The following VPS16 variants were observed in gnomAD, a reference collection of about 807,000 sequenced individuals.
The protein encoded by VPS16 is vacuolar protein sorting-associated protein 16 homolog.
VPS16 carries 82 observed loss-of-function variants against 116.0 expected under a neutral mutation model. The observed-to-expected ratio is 0.71, with a 90% CI of 0.59 to 0.85. The LOEUF is 0.85. Ranked by LOEUF, VPS16 falls within the 40% of genes least tolerant of loss-of-function variation. The pLI, the probability that VPS16 is intolerant of heterozygous loss-of-function variation, is 0.00. For missense variants in VPS16, 928 were observed against 1,090.6 expected (o/e 0.85, Z 2.10); for synonymous variants, 406 against 420.7 (o/e 0.96, Z 0.43).
At position 2,863,435 on chromosome 20, in the gene VPS16, GA is replaced by G; in HGVS notation, c.1476+38del. ...GGATGGGGTCCAAGGGCATTTAGAG[GA>G]TTCCAGGCCCTGGTGAGGTGGAGGA... On this transcript the variant is annotated intron_variant, in intron 15 of 23. Transcript: ENST00000380445. The surrounding 1 kb of genome is among the most constrained non-coding windows in gnomAD (Gnocchi z 4.4). 1 of 1,598,738 alleles carries G rather than the reference GA, an allele frequency of 6.3e-7. No homozygotes were observed. The highest frequency in any genetic ancestry group is 8.6e-7 in the Non-Finnish European group (1 of 1,166,422).
Position 2,862,315 on chromosome 20 carries a change from C to T in VPS16, c.1071+185C>T, listed in dbSNP as rs184964097. On this transcript the variant is annotated intron_variant, in intron 11 of 23. Coordinates refer to ENST00000380445, the MANE Select transcript of VPS16 (RefSeq NM_022575.4). Reference sequence around the variant, plus strand: ...TGTCCTCCATGTGGTGTGATAGGGACGGGCAGAGCATCCCCACTATCCCCA... The same window carrying T: ...TGTCCTCCATGTGGTGTGATAGGGATGGGCAGAGCATCCCCACTATCCCCA... The T allele has an allele frequency of 1.7e-5, 16 of 955,656 alleles. No individual in the cohort carries two copies. The Admixed American group carries it at 1.7e-4, about 10-fold the overall frequency. The allele number at this position is 955,656 out of a possible 1,614,324, so 59.2% of individuals were successfully genotyped here. A position where few individuals can be genotyped will look rare whatever the true frequency, so the allele number is the denominator to read the frequency against.
chr20:2,849,322 C>T (rs960045583), intron 1 of VPS16, among the ~76,000 whole-genome samples: 2 of 113,686 alleles, frequency 1.8e-5, no homozygotes, highest in Non-Finnish European at 1.7e-5. Context: ...TTTTTTGAGG[C>T]GGAGTTTTGC....
At chr20:2,856,795 T>C (rs2089176005) in intron 1 of VPS16, among the ~76,000 whole-genome samples, 1 of 152,226 alleles carries the variant, frequency 6.6e-6, no homozygotes, top group Admixed American at 6.5e-5. Flanking sequence ...CTAGACGCCA[T>C]CCTCTTCCAT....
intron 1 of VPS16, among the ~76,000 whole-genome samples, chr20:2,856,571 C>T (rs541195453): frequency 6.6e-6 from 1 of 152,350 alleles, no homozygotes; most frequent in East Asian, 1.9e-4. Context: ...CCGCAGGTGT[C>T]TACCCCATCT....
Position 2,863,917 on chromosome 20 carries a change from CA to C in VPS16, c.1477-31del. 6.2e-7 allele frequency: 1 copy of C among 1,606,544 alleles called. No individual in the cohort carries two copies. The highest frequency in any genetic ancestry group is 1.3e-5 in the African/African-American group (1 of 74,928). ...GGAGTGGAGAGTGAGGAATGGCATCCAGATGTTTGTGACACCCCGCATCCCT... is the reference window on the plus strand; with the variant it reads ...GGAGTGGAGAGTGAGGAATGGCATCCGATGTTTGTGACACCCCGCATCCCT... On this transcript the variant is annotated intron_variant, in intron 15 of 23. Transcript: ENST00000380445. The surrounding 1 kb of genome is among the most constrained non-coding windows in gnomAD (Gnocchi z 4.4).
chr20:2,852,223 C>A (rs2089129293), intron 1 of VPS16, among the ~76,000 whole-genome samples: 2 of 152,106 alleles, frequency 1.3e-5, no homozygotes, highest in Admixed American at 6.6e-5. Context: ...ATTCTCACAC[C>A]CTGACTGCTG....
intron 1 of VPS16, among the ~76,000 whole-genome samples, chr20:2,855,548 T>G (rs760071930): frequency 1.3e-5 from 2 of 152,212 alleles, no homozygotes; most frequent in African/African-American, 2.4e-5. Flanking sequence ...AGGTGTTGAC[T>G]TCTTTCTAGC....
At chr20:2,851,363 C>A (rs2089119080) in intron 1 of VPS16, among the ~76,000 whole-genome samples, 1 of 152,138 alleles carries the variant, frequency 6.6e-6, no homozygotes, top group Admixed American at 6.5e-5. Context: ...AATCCTAACA[C>A]TTTGGGAGGC....
Position 2,864,404 on chromosome 20 carries a change from G to T in VPS16, c.1760G>T (p.Arg587Leu). ...CTGCACCTGAAGAACGAGCTGAACC[G>T]AGGAGATTTTTTCATGACCCTTCGG... ...VLLHLKNELN[R>L]GDFFMTLRNQ... Residue 587 changes from arginine (R) to leucine (L), a missense_variant, in exon 18 of 24, where the codon CGA becomes CTA. Transcript: ENST00000380445. This position sits in a 1 kb window ranked among gnomAD's most constrained non-coding sequence, Gnocchi z 5.2. 1 of 1,614,166 alleles carries T rather than the reference G, an allele frequency of 6.2e-7. No homozygotes were observed. Among genetic ancestry groups the T allele is most frequent in the Non-Finnish European group, 8.5e-7 (1 of 1,180,034 alleles).
Position 2,864,718 on chromosome 20 carries a change from C to T in VPS16, c.1926+64C>T. The T allele has an allele frequency of 6.5e-7, 1 of 1,548,184 alleles. No individual in the cohort carries two copies. Among genetic ancestry groups the T allele is most frequent in the East Asian group, 2.2e-5 (1 of 44,584 alleles). On this transcript the variant is annotated intron_variant, in intron 19 of 23. Transcript: ENST00000380445. The surrounding 1 kb of genome is among the most constrained non-coding windows in gnomAD (Gnocchi z 5.2). ...GTGGGCTGGGGCTGTTGGTCCGGTT[C>T]CTTCAGGAATCTAGGCCTTCGTGTT...
chr20:2,858,263 C>T (rs935178257), intron 1 of VPS16, among the ~76,000 whole-genome samples: 1 of 152,094 alleles, frequency 6.6e-6, no homozygotes, highest in African/African-American at 2.4e-5. Flanking sequence ...TGTGCCATCA[C>T]ATGCAGCTAA....
In VPS16 at chr20:2,860,364, C is replaced by T. The variant is rs761031227; in HGVS notation, c.366C>T (p.Gly122=). The T allele has an allele frequency of 2.2e-5, 35 of 1,614,066 alleles. No homozygotes were observed. The highest frequency in any genetic ancestry group is 3.0e-5 in the Non-Finnish European group (35 of 1,179,998). ...HGDFRRHFSM[G]NEVLQNRVLD... is the part of the protein sequence containing the mutation. Reference sequence around the variant, plus strand: ...ACTTCCGGAGACACTTCAGCATGGGCAATGTAGGGGTCACAGAGGGCTGGG... The same window carrying T: ...ACTTCCGGAGACACTTCAGCATGGGTAATGTAGGGGTCACAGAGGGCTGGG... Residue 122 remains glycine, a synonymous_variant, in exon 4 of 24, where the codon GGC becomes GGT. Transcript: ENST00000380445. This position sits in a 1 kb window ranked among gnomAD's most constrained non-coding sequence, Gnocchi z 6.1.
intron 11 of VPS16, 77 bp downstream of exon 11, chr20:2,862,207 G>C: frequency 6.6e-7 from 1 of 1,511,640 alleles, no homozygotes; most frequent in Non-Finnish European, 9.0e-7. Flanking sequence ...GCATAGCCAG[G>C]TGCCACCTGT....
In VPS16 at chr20:2,864,158, G is replaced by A; in HGVS notation, c.1612-21G>A. The A allele has an allele frequency of 1.2e-6, 2 of 1,614,172 alleles. No individual in the cohort carries two copies. The highest frequency in any genetic ancestry group is 1.7e-6 in the Non-Finnish European group (2 of 1,180,002). On this transcript the variant is annotated intron_variant, in intron 16 of 23. Coordinates refer to ENST00000380445, the MANE Select transcript of VPS16 (RefSeq NM_022575.4). The surrounding 1 kb of genome is among the most constrained non-coding windows in gnomAD (Gnocchi z 5.2). ...CCCCATGCCAGCTCCTTCTCTCTGT[G>A]CCTTCCTTCTCACCTCACAGCTGCT...
rs2089211582 is a variant in VPS16 at position 2,860,144 on chromosome 20, G to T, written c.233G>T (p.Ser78Ile). ...IYSASGMPLA[S>I]LLWKSGPVVS... ...TCTGCTTCCGGCATGCCTCTGGCCAGCCTGCTGGTGAGCACTTCTGATGGT... is the reference window on the plus strand; with the variant it reads ...TCTGCTTCCGGCATGCCTCTGGCCATCCTGCTGGTGAGCACTTCTGATGGT... The change falls in exon 3 of 24, where the codon AGC (serine) becomes ATC (isoleucine). Residue 78 changes from serine to isoleucine, a missense_variant. Coordinates refer to ENST00000380445, the MANE Select transcript of VPS16 (RefSeq NM_022575.4). The surrounding 1 kb of genome is among the most constrained non-coding windows in gnomAD (Gnocchi z 6.1). The T allele has an allele frequency of 1.2e-6, 2 of 1,614,090 alleles. No individual in the cohort carries two copies. Among genetic ancestry groups the T allele is most frequent in the Non-Finnish European group, 1.7e-6 (2 of 1,180,024 alleles).
chr20:2,848,977 G>A (rs1254025471), intron 1 of VPS16, among the ~76,000 whole-genome samples: 1 of 152,148 alleles, frequency 6.6e-6, no homozygotes, highest in Non-Finnish European at 1.5e-5. Flanking sequence ...AGCATTACGT[G>A]GATTGGGAGG....
In VPS16 at chr20:2,863,431, A is replaced by G. The variant is rs1480551445; in HGVS notation, c.1476+33A>G. 2.5e-6 allele frequency: 4 copies of G among 1,601,928 alleles called. No individual in the cohort carries two copies. In the East Asian group the frequency reaches 6.7e-5, roughly 27 times the overall value. On this transcript the variant is annotated intron_variant, in intron 15 of 23. Coordinates refer to ENST00000380445, the MANE Select transcript of VPS16 (RefSeq NM_022575.4). The surrounding 1 kb of genome is among the most constrained non-coding windows in gnomAD (Gnocchi z 4.4). ...TGTGGGATGGGGTCCAAGGGCATTT[A>G]GAGGATTCCAGGCCCTGGTGAGGTG...
At chr20:2,866,389 G>C in intron 23 of VPS16, 41 bp from the exon 24 acceptor site, 3 of 1,614,026 alleles carry the variant, frequency 1.9e-6, no homozygotes, top group Non-Finnish European at 1.7e-6. Flanking sequence ...TTGTGCCCTT[G>C]AGCAGCCCCA....
chr20:2,840,816 T>G lies in VPS16; in HGVS notation c.42T>G (p.Ser14=). ...CGAACTGGAACCCACTCGGGGACTC[T>G]GCCTTTTACCGGTGAGCTGCCCCGC... The part of the protein sequence containing the change: ...YTANWNPLGD[S]AFYRKYELYS... The change falls in exon 1 of 24, where the codon TCT becomes TCG. Residue 14 remains serine (S), a synonymous_variant. Transcript: ENST00000380445. The G allele has an allele frequency of 6.5e-7, 1 of 1,548,012 alleles. No individual in the cohort carries two copies. Among genetic ancestry groups the G allele is most frequent in the Non-Finnish European group, 8.7e-7 (1 of 1,146,540 alleles).
Sources: allele counts gnomAD v4.1 joint callset (sites outside exome capture counted in the v4.1 genomes callset), GRCh38; gene constraint gnomAD v4.1.1; non-coding constraint Gnocchi (gnomAD v3.1); transcripts MANE v1.5; gene names NCBI Gene and HGNC (gene_info 2026-07-23, HGNC 2026-07-21).